Variants in CAST observed in about 807,000 individuals in gnomAD.
CAST encodes the protein MIR583 host.
Under a neutral mutation model 119.6 loss-of-function variants are expected in CAST, and 76 were observed. The observed-to-expected ratio is 0.64, with a 90% confidence interval of 0.53 to 0.77. CAST has a LOEUF of 0.77. CAST is among the 30% of genes least tolerant of loss of function. The pLI is 0.00. For missense variants in CAST, 953 were observed against 946.5 expected, an observed-to-expected ratio of 1.01 and a Z score of -0.09; for synonymous variants, 319 against 331.6, an observed-to-expected ratio of 0.96 and a Z score of 0.41.
At chr5:96,102,071 C>T in the CAST span, among the ~76,000 whole-genome samples, 1 of 152,152 alleles carries the variant, frequency 6.6e-6, no homozygotes, top group African/African-American at 2.4e-5. Context: ...GTGTTATCAG[C>T]TCACTGGATC....
the CAST span, among the ~76,000 whole-genome samples, chr5:96,422,130 A>G: frequency 1.3e-5 from 2 of 152,048 alleles, no homozygotes; most frequent in Non-Finnish European, 2.9e-5. Flanking sequence ...TTACTCACAA[A>G]CCAGGCAGAG....
chr5:96,021,854 A>C, the CAST span, among the ~76,000 whole-genome samples: 1 of 152,290 alleles, frequency 6.6e-6, no homozygotes, highest in East Asian at 1.9e-4. Flanking sequence ...AAATTAACTT[A>C]AGTGATCGGA....
the CAST span, among the ~76,000 whole-genome samples, chr5:96,015,320 G>A: frequency 3.3e-4 from 50 of 151,684 alleles, no homozygotes; most frequent in African/African-American, 1.2e-3. Context: ...TGTACTTTCA[G>A]GGCACCAAAG....
the CAST span, among the ~76,000 whole-genome samples, chr5:96,021,453 CT>C: frequency 6.1e-5 from 9 of 148,554 alleles, no homozygotes; most frequent in East Asian, 2.0e-4. Context: ...TCAGCATTTT[CT>C]TTTTTTTTTG....
At chr5:96,534,890 A>C (rs967548800) in intron 1 of CAST, among the ~76,000 whole-genome samples, 1 of 150,114 alleles carries the variant, frequency 6.7e-6, no homozygotes, top group African/African-American at 2.4e-5. Flanking sequence ...AAAAGAAAGA[A>C]AGAAGGAAAG....
chr5:96,529,393 TTTTG>T (rs1238380910), upstream of CAST, among the ~76,000 whole-genome samples: 1 of 152,082 alleles, frequency 6.6e-6, no homozygotes, highest in Non-Finnish European at 1.5e-5. Flanking sequence ...TTGGTTTCTT[TTTTG>T]TTTGTTTGCC....
intron 2 of CAST, among the ~76,000 whole-genome samples, chr5:96,685,461 C>T (rs1003025502): frequency 6.6e-6 from 1 of 152,222 alleles, no homozygotes; most frequent in African/African-American, 2.4e-5. Flanking sequence ...ATGTATGATT[C>T]TTATCGTAAT....
intron 2 of CAST, among the ~76,000 whole-genome samples, chr5:96,684,992 A>C (rs1352190234): frequency 2.0e-5 from 3 of 151,770 alleles, no homozygotes; most frequent in Non-Finnish European, 4.4e-5. Context: ...GTATCATTGG[A>C]TAGGGAATGG....
chr5:96,592,801 G>A (rs1449100055), intron 1 of CAST, among the ~76,000 whole-genome samples: 2 of 148,494 alleles, frequency 1.3e-5, no homozygotes, highest in Non-Finnish European at 3.0e-5. Flanking sequence ...GTCTTGCTCT[G>A]TCGCCCAGGC....
At chr5:96,373,795 G>A in the CAST span, among the ~76,000 whole-genome samples, 1 of 151,738 alleles carries the variant, frequency 6.6e-6, no homozygotes, top group Non-Finnish European at 1.5e-5. Context: ...GCCCAGGCTG[G>A]ACTACAGTGG....
At chr5:96,031,491 C>T in the CAST span, among the ~76,000 whole-genome samples, 2 of 152,120 alleles carry the variant, frequency 1.3e-5, no homozygotes, top group Non-Finnish European at 2.9e-5. Flanking sequence ...TTTTATTTCT[C>T]AGTCACACTG....
Position 96,632,025 on chromosome 5 carries a change from A to AATTATTATTATTATTATTATTATT in CAST, c.61-43491_61-43490insTATTATTATTATTATTATTATTAT, listed in dbSNP as rs3064173. On this transcript the variant is annotated intron_variant, in intron 1 of 11. Coordinates refer to the CAST transcript ENST00000505143. Reference sequence around the variant, plus strand: ...CAACACTTGTTATTGTCCTTTTAAAAATTATTATTATTATTATTATTATAG... The same window carrying AATTATTATTATTATTATTATTATT: ...CAACACTTGTTATTGTCCTTTTAAAAATTATTATTATTATTATTATTATTATTATTATTATTATTATTATTATAG... Among the ~76,000 whole-genome samples the AATTATTATTATTATTATTATTATT allele has an allele frequency of 1.7e-4, 25 of 149,740 alleles. 1 individual carries two copies. The highest frequency in any genetic ancestry group is 3.5e-3 in the Middle Eastern group (1 of 288).
At chr5:96,584,992 A>G (rs1355065204) in intron 1 of CAST, 1 of 152,242 alleles carries the variant, frequency 6.6e-6, no homozygotes, top group East Asian at 1.9e-4. Flanking sequence ...CATCAGGCCA[A>G]GCTGAAACGT....
the CAST span, among the ~76,000 whole-genome samples, chr5:96,354,863 T>TTTA: frequency 6.6e-6 from 1 of 151,530 alleles, no homozygotes; most frequent in South Asian, 2.1e-4. Flanking sequence ...TATTTATTTT[T>TTTA]AATCAAACAA....
At chr5:96,732,207 A>G (rs1230832174) in intron 9 of CAST, among the ~76,000 whole-genome samples, 1 of 141,574 alleles carries the variant, frequency 7.1e-6, no homozygotes, top group African/African-American at 2.7e-5. Context: ...AACTGGTGTG[A>G]GATGGTATCT....
chr5:96,732,146 A>G (rs1307139170), intron 9 of CAST, among the ~76,000 whole-genome samples: 5 of 139,034 alleles, frequency 3.6e-5, no homozygotes, highest in African/African-American at 5.4e-5. Context: ...CTATTTCTCC[A>G]CATCCTCTCC....
the CAST span, chr5:96,397,293 T>C: frequency 6.9e-6 from 11 of 1,585,572 alleles, no homozygotes; most frequent in Non-Finnish European, 9.5e-6. Flanking sequence ...TCAAAATGTT[T>C]AAAAGTAAGC....
At chr5:96,731,081 A>T (rs1364609842) in intron 9 of CAST, among the ~76,000 whole-genome samples, 1 of 152,230 alleles carries the variant, frequency 6.6e-6, no homozygotes, top group South Asian at 2.1e-4. Flanking sequence ...TACATGCCAT[A>T]TATAACGTAC....
intron 1 of CAST, among the ~76,000 whole-genome samples, chr5:96,550,806 A>G (rs1396953857): frequency 2.0e-5 from 3 of 152,260 alleles, no homozygotes; most frequent in South Asian, 2.1e-4. Flanking sequence ...CAAGTGGAAG[A>G]AAGGATATCA....
Sources: gnomAD v4.1 joint callset for allele counts (sites outside exome capture counted in the v4.1 genomes callset) on GRCh38, gnomAD v4.1.1 for gene constraint, MANE v1.5 for transcripts, NCBI Gene and HGNC (gene_info 2026-07-23, HGNC 2026-07-21) for gene names.